ACOT7: variants seen among roughly 807,000 people sequenced by gnomAD.
ACOT7 encodes the protein acyl-CoA thioesterase 7.
Under a neutral mutation model 40.2 loss-of-function variants are expected in ACOT7, and 12 were observed. That is an observed-to-expected ratio of 0.30 (90% CI 0.19 to 0.48). ACOT7 has a LOEUF of 0.48. ACOT7 is among the 20% of genes least tolerant of loss of function. The pLI is 0.99. For synonymous variants in ACOT7, 228 were observed against 219.5 expected (o/e 1.04, Z -0.34); for missense variants, 395 against 530.8 (o/e 0.74, Z 2.51).
Position 6,327,384 on chromosome 1 carries a change from G to A in ACOT7, c.540C>T (p.Gly180=), listed in dbSNP as rs1293281419. Residue 180 remains glycine, a synonymous_variant, in exon 5 of 9, where the codon GGC becomes GGT. Transcript: ENST00000361521. ...GCTTCTGGGCTTCATACCGCTTCCG[G>A]CCCTCCTCCTCCTGCTCCTGCCGGG... ...VYSRQEQEEE[G]RKRYEAQKLE... The A allele has an allele frequency of 6.2e-7, 1 of 1,614,118 alleles. No individual in the cohort carries two copies. The highest frequency in any genetic ancestry group is 8.5e-7 in the Non-Finnish European group (1 of 1,180,018).
At chr1:6,369,643 A>G (rs1642090912) in intron 1 of ACOT7, among the ~76,000 whole-genome samples, 2 of 151,828 alleles carry the variant, frequency 1.3e-5, no homozygotes, top group South Asian at 4.2e-4. Context: ...CAGTGGCACG[A>G]TCTCAGCTCA....
At chr1:6,324,158 CT>C in intron 5 of ACOT7, among the ~76,000 whole-genome samples, 1 of 152,214 alleles carries the variant, frequency 6.6e-6, no homozygotes, top group African/African-American at 2.4e-5. Context: ...GAGCCCACCC[CT>C]GGGCTCCCGA....
intron 8 of ACOT7, 103 bp from the exon 9 acceptor site, chr1:6,264,798 C>T: frequency 4.1e-6 from 5 of 1,232,166 alleles, no homozygotes; most frequent in Non-Finnish European, 5.7e-6. Flanking sequence ...GTGGGATCTG[C>T]CCCACCCCTG....
At chr1:6,320,375 C>T (rs995959155) in intron 5 of ACOT7, among the ~76,000 whole-genome samples, 3 of 152,208 alleles carry the variant, frequency 2.0e-5, no homozygotes, top group East Asian at 3.8e-4. Flanking sequence ...GTCACTGCTG[C>T]AGCAGATAAA....
At position 6,288,245 on chromosome 1, in the gene ACOT7, G is replaced by A. The variant is rs889672142; in HGVS notation, c.829+6619C>T. Among the ~76,000 whole-genome samples, 1 of 152,210 alleles carries A rather than the reference G, an allele frequency of 6.6e-6. No individual in the cohort carries two copies. The highest frequency in any genetic ancestry group is 2.4e-5 in the African/African-American group (1 of 41,450). The stretch of plus-strand genomic sequence containing the variant: ...GCCTGTCGTGGCCCTCGCGTCCCCA[G>A]CACCAACTCCGTTGCTGGCCTGGGA... On this transcript the variant is annotated intron_variant, in intron 7 of 8. Coordinates refer to ENST00000361521, the MANE Select transcript of ACOT7 (RefSeq NM_007274.4). The surrounding 1 kb of genome is among the most constrained non-coding windows in gnomAD (Gnocchi z 4.3).
chr1:6,327,230 G>T lies in ACOT7; in HGVS notation c.625+69C>A, dbSNP rs567702395. The T allele has an allele frequency of 5.3e-6, 8 of 1,499,676 alleles. No individual in the cohort carries two copies. The African/African-American group carries it at 1.1e-4, about 21-fold the overall frequency. 92.9% of individuals were successfully genotyped at this position (1,499,676 alleles called of 1,614,324 possible). ...TCAAGCATGAGGCTCACGTAGGCCC[G>T]GCCTGCTCCTGCCTCCTATGCGTCC... On this transcript the variant is annotated intron_variant, in intron 5 of 8. Transcript: ENST00000361521.
intron 8 of ACOT7, among the ~76,000 whole-genome samples, chr1:6,267,698 G>A (rs983055203): frequency 6.6e-6 from 1 of 152,194 alleles, no homozygotes; most frequent in African/African-American, 2.4e-5. Flanking sequence ...CCTTTCATAA[G>A]GAACCAAGCT....
chr1:6,393,533 C>T lies in ACOT7; in HGVS notation c.-134G>A. The T allele has an allele frequency of 1.2e-6, 1 of 821,916 alleles. No homozygotes were observed. Among genetic ancestry groups the T allele is most frequent in the Non-Finnish European group, 1.6e-6 (1 of 624,854 alleles). The allele number at this position is 821,916 out of a possible 1,614,324, so 50.9% of individuals were successfully genotyped here. ...ACCCCGAGCCCCGCCTCCCAGGCCG[C>T]CAAGGCTGCAGAGAGCTCGCGCGGG... On this transcript the variant is annotated 5_prime_UTR_variant, in exon 1 of 9. Transcript: ENST00000361521.
At chr1:6,308,730 G>C (rs139162337) in intron 6 of ACOT7, among the ~76,000 whole-genome samples, 5 of 152,156 alleles carry the variant, frequency 3.3e-5, no homozygotes, top group Non-Finnish European at 7.3e-5. Flanking sequence ...CAACCAGGCA[G>C]AGAGAACCAT....
chr1:6,300,528 T>C (rs1639938634), intron 6 of ACOT7, among the ~76,000 whole-genome samples: 1 of 130,514 alleles, frequency 7.7e-6, no homozygotes, highest in South Asian at 2.5e-4. Context: ...GCCGGCCCTC[T>C]CCACAAACAC....
rs1015522366 is a variant in ACOT7, at chr1:6,308,432, C to T, written c.712+10060G>A. Among the ~76,000 whole-genome samples, 4 of 147,908 alleles carry T rather than the reference C, an allele frequency of 2.7e-5. No homozygotes were observed. In the Admixed American group the frequency reaches 2.7e-4, roughly 10 times the overall value. On this transcript the variant is annotated intron_variant, in intron 6 of 8. Coordinates refer to ENST00000361521, the MANE Select transcript of ACOT7 (RefSeq NM_007274.4). ...GAACCACAACAGGCAGAAGGAACAG[C>T]AACAGGCAGAGGGAACCACGACCAG...
chr1:6,333,649 C>T, intron 3 of ACOT7, 81 bp from the exon 4 acceptor site: 1 of 1,376,990 alleles, frequency 7.3e-7, no homozygotes, highest in South Asian at 1.2e-5. Flanking sequence ...GCAGGTGCTG[C>T]TCCAGCGCCC....
chr1:6,386,561 T>C (rs1642444295), intron 1 of ACOT7, among the ~76,000 whole-genome samples: 1 of 152,172 alleles, frequency 6.6e-6, no homozygotes, highest in East Asian at 1.9e-4. Flanking sequence ...AAGCTCCTTG[T>C]GAAAAACCTA....
chr1:6,389,693 A>G (rs1642501377), intron 1 of ACOT7, among the ~76,000 whole-genome samples: 1 of 151,478 alleles, frequency 6.6e-6, no homozygotes, highest in Non-Finnish European at 1.5e-5. Context: ...CTGAGGCAGG[A>G]GAATCAGTAG....
At chr1:6,281,902 C>A (rs908704439) in intron 7 of ACOT7, among the ~76,000 whole-genome samples, 4 of 152,200 alleles carry the variant, frequency 2.6e-5, no homozygotes, top group African/African-American at 9.6e-5. Flanking sequence ...TCTGGCCCCA[C>A]TGGTCTCGCC....
At chr1:6,302,444 T>C (rs1301791890) in intron 6 of ACOT7, among the ~76,000 whole-genome samples, 1 of 151,958 alleles carries the variant, frequency 6.6e-6, no homozygotes, top group Non-Finnish European at 1.5e-5. Flanking sequence ...CCTGCAGGTG[T>C]TGAGGCAGCA....
intron 1 of ACOT7, among the ~76,000 whole-genome samples, chr1:6,391,371 T>A (rs1265349936): frequency 6.6e-6 from 1 of 152,132 alleles, no homozygotes; most frequent in African/African-American, 2.4e-5. Context: ...CCAGGCGTGG[T>A]GGCGCACTCT....
intron 1 of ACOT7, chr1:6,360,777 GC>G: frequency 6.6e-7 from 1 of 1,511,064 alleles, no homozygotes; most frequent in Non-Finnish European, 8.9e-7. Context: ...GGGCATTGCT[GC>G]CTCCCTAAGC....
At chr1:6,298,651 G>T (rs1279906645) in intron 6 of ACOT7, among the ~76,000 whole-genome samples, 1 of 152,186 alleles carries the variant, frequency 6.6e-6, no homozygotes, top group Non-Finnish European at 1.5e-5. Flanking sequence ...GGCTTCAGGT[G>T]GCTTGGCTCT....
Sources: gnomAD v4.1 joint callset for allele counts (sites outside exome capture counted in the v4.1 genomes callset) on GRCh38, gnomAD v4.1.1 for gene constraint, Gnocchi (gnomAD v3.1) non-coding constraint, MANE v1.5 for transcripts, NCBI Gene and HGNC (gene_info 2026-07-23, HGNC 2026-07-21) for gene names.